The following DNA2 variants were observed in gnomAD, a reference collection of about 807,000 sequenced individuals.
DNA2 encodes DNA replication ATP-dependent helicase/nuclease DNA2.
DNA2 carries 101 observed loss-of-function variants against 119.1 expected under a neutral mutation model. That is an observed-to-expected ratio of 0.85 (90% CI 0.72 to 1.00). The LOEUF is 1.00. DNA2 is among the 50% of genes least tolerant of loss of function. The pLI is 0.00. For missense variants in DNA2, 1,121 were observed against 1,255.5 expected (o/e 0.89, Z 1.62); for synonymous variants, 366 against 424.4 (o/e 0.86, Z 1.69).
At chr10:68,461,281 A>T (rs2052254597) in intron 4 of DNA2, 1 of 152,224 alleles carries the variant, frequency 6.6e-6, no homozygotes, top group Admixed American at 6.5e-5. Flanking sequence ...TCATAAGAGT[A>T]CAGTTGAATT....
intron 14 of DNA2, among the ~76,000 whole-genome samples, chr10:68,430,085 C>T (rs563505575): frequency 3.3e-5 from 5 of 151,942 alleles, no homozygotes; most frequent in African/African-American, 1.2e-4. Context: ...CAGGTTTTCA[C>T]CATGTTGGCC....
At chr10:68,456,586 A>G (rs61855135) in intron 5 of DNA2, among the ~76,000 whole-genome samples, 38,719 of 151,544 alleles carry the variant, frequency 0.26, 5,766 homozygotes, top group East Asian at 0.39. Context: ...GCTAATTTTC[A>G]TATTTTTAGT....
At chr10:68,461,060 A>C (rs1401209415) in intron 4 of DNA2, among the ~76,000 whole-genome samples, 1 of 152,192 alleles carries the variant, frequency 6.6e-6, no homozygotes, top group Non-Finnish European at 1.5e-5. Context: ...GAAACCAAGC[A>C]ATGGAAAGTA....
chr10:68,443,341 A>G (rs1411364474), intron 8 of DNA2, among the ~76,000 whole-genome samples: 1 of 152,174 alleles, frequency 6.6e-6, no homozygotes, highest in African/African-American at 2.4e-5. Flanking sequence ...CTATCCCCCA[A>G]ACAACTCAGG....
At chr10:68,453,878 T>C (rs1416068516) in intron 5 of DNA2, among the ~76,000 whole-genome samples, 1 of 152,190 alleles carries the variant, frequency 6.6e-6, no homozygotes, top group Non-Finnish European at 1.5e-5. Flanking sequence ...CATATCCCCA[T>C]CATTAAGCTA....
At chr10:68,433,860 T>C (rs2051853093) in intron 10 of DNA2, among the ~76,000 whole-genome samples, 1 of 152,218 alleles carries the variant, frequency 6.6e-6, no homozygotes, top group African/African-American at 2.4e-5. Context: ...GAATGCTCCA[T>C]GTCACACTAC....
intron 6 of DNA2, among the ~76,000 whole-genome samples, chr10:68,448,039 T>A (rs868211541): frequency 9.2e-5 from 14 of 152,122 alleles, no homozygotes; most frequent in South Asian, 2.1e-4. Flanking sequence ...TTCTCAGTTT[T>A]ACTTAGATAA....
chr10:68,450,104 T>C lies in DNA2; in HGVS notation c.863A>G (p.Tyr288Cys), dbSNP rs775530585. ...CGGCATTATCTTGTATTTTGTTTTA[T>C]ACCCTCGATGTATTTTCACACCAAC... ...VTVGVKIHRG[Y>C]KTKYKIMPLE... Residue 288 changes from tyrosine (Y) to cysteine (C), a missense_variant, in exon 6 of 21, where the codon TAT (tyrosine) becomes TGT (cysteine). Tyr to Cys is a radical substitution (Grantham distance 194). Coordinates refer to ENST00000358410, the MANE Select transcript of DNA2 (RefSeq NM_001080449.3). 1.2e-6 allele frequency: 2 copies of C among 1,604,272 alleles called. No homozygotes were observed. The highest frequency in any genetic ancestry group is 1.1e-5 in the South Asian group (1 of 89,584).
chr10:68,427,227 G>A (rs956298795), intron 14 of DNA2, among the ~76,000 whole-genome samples: 7 of 151,254 alleles, frequency 4.6e-5, no homozygotes, highest in South Asian at 2.1e-4. Context: ...AATATGTGGC[G>A]CATGCCTGTA....
At chr10:68,419,960 CCAT>C (rs2051643783) in intron 17 of DNA2, 68 bp from the exon 18 acceptor site, 2 of 1,272,038 alleles carry the variant, frequency 1.6e-6, no homozygotes, top group African/African-American at 1.5e-5. Flanking sequence ...ACGCAACTGG[CCAT>C]AAAGACTATA....
At chr10:68,468,365 T>A in intron 2 of DNA2, 59 bp from the exon 3 acceptor site, 1 of 1,134,744 alleles carries the variant, frequency 8.8e-7, no homozygotes, top group East Asian at 2.8e-5. Flanking sequence ...CATGTAAACG[T>A]ATTAGGGAGG....
intron 20 of DNA2, among the ~76,000 whole-genome samples, chr10:68,415,333 A>G (rs565538957): frequency 6.7e-6 from 1 of 149,854 alleles, no homozygotes; most frequent in African/African-American, 2.5e-5. Flanking sequence ...CTGGAGTGCA[A>G]TGGTGCGATC....
chr10:68,451,199 A>C (rs2052113393), intron 5 of DNA2, among the ~76,000 whole-genome samples: 1 of 152,090 alleles, frequency 6.6e-6, no homozygotes. Context: ...GACAATCTTC[A>C]AAGCTTCAAA....
Position 68,419,469 on chromosome 10 carries a change from G to GCACACA in DNA2, c.2788-262_2788-257dup, listed in dbSNP as rs113036471. On this transcript the variant is annotated intron_variant, in intron 18 of 20. Coordinates refer to ENST00000358410, the MANE Select transcript of DNA2 (RefSeq NM_001080449.3). The stretch of plus-strand genomic sequence containing the variant: ...AAGGATTATATGCTACTAAAACAGT[G>GCACACA]CACACACACACACACACAGTACAAA... 6.3e-4 allele frequency: 308 copies of GCACACA among 486,764 alleles called. 1 individual carries two copies. The highest frequency in any genetic ancestry group is 5.3e-3 in the African/African-American group (270 of 50,610). 30.2% of individuals were successfully genotyped at this position (486,764 alleles called of 1,614,324 possible).
chr10:68,447,996 A>AT (rs397750414), intron 6 of DNA2, among the ~76,000 whole-genome samples: 1 of 151,280 alleles, frequency 6.6e-6, no homozygotes, highest in Admixed American at 6.6e-5. Flanking sequence ...AAAAAAAAAA[A>AT]TTTAATTTAC....
At chr10:68,418,972 C>T in intron 19 of DNA2, 62 bp downstream of exon 19, 2 of 1,485,176 alleles carry the variant, frequency 1.3e-6, no homozygotes, top group South Asian at 2.7e-5. Context: ...CGCGCCCGGC[C>T]CACAATTTTT....
chr10:68,441,548 T>C (rs1041396057), intron 9 of DNA2, among the ~76,000 whole-genome samples: 2 of 151,654 alleles, frequency 1.3e-5, no homozygotes, highest in African/African-American at 4.8e-5. Flanking sequence ...GAGGCTGAGG[T>C]GGGTGGATCA....
upstream of DNA2, chr10:68,472,041 T>G: frequency 1.2e-6 from 2 of 1,604,190 alleles, no homozygotes; most frequent in Non-Finnish European, 8.5e-7. Context: ...GCGTTCCACG[T>G]GGGGCCCCTC....
At chr10:68,464,816 C>T (rs138356255) in intron 4 of DNA2, among the ~76,000 whole-genome samples, 10,953 of 106,744 alleles carry the variant, frequency 0.1, 692 homozygotes, top group South Asian at 0.27. Flanking sequence ...ACAACAAGAG[C>T]GAAACTCCAC....
Sources: gnomAD v4.1 joint callset for allele counts (sites outside exome capture counted in the v4.1 genomes callset) on GRCh38, gnomAD v4.1.1 for gene constraint, MANE v1.5 for transcripts, NCBI Gene and HGNC (gene_info 2026-07-23, HGNC 2026-07-21) for gene names.